UNC5D: variants seen among roughly 807,000 people sequenced by gnomAD.
The protein encoded by UNC5D is unc-5 netrin receptor D, also known as netrin receptor UNC5D.
In UNC5D, 39 loss-of-function variants were observed where a neutral mutation model predicts 105.4. The ratio of observed to expected loss-of-function variants is 0.37; its 90% CI spans 0.29 to 0.48. The LOEUF is 0.48. Among genes scored for constraint, UNC5D ranks in the 20% least tolerant of loss-of-function variants. The pLI is 0.98. For synonymous variants in UNC5D, 452 were observed against 450.4 expected, an observed-to-expected ratio of 1.00 and a Z score of -0.04; for missense variants, 991 against 1,202.4, an observed-to-expected ratio of 0.82 and a Z score of 2.60.
chr8:35,269,267 C>A (rs1805103365), intron 1 of UNC5D, among the ~76,000 whole-genome samples: 1 of 152,172 alleles, frequency 6.6e-6, no homozygotes, highest in Non-Finnish European at 1.5e-5. Context: ...ACAGTCATCC[C>A]ATTTGCCAAG....
At chr8:35,402,484 C>T (rs940515601) in intron 1 of UNC5D, among the ~76,000 whole-genome samples, 3 of 152,078 alleles carry the variant, frequency 2.0e-5, no homozygotes, top group African/African-American at 7.2e-5. Context: ...GTTTCTCCTG[C>T]AACACGTGGG....
rs567883074 is a variant in UNC5D at position 35,361,484 on chromosome 8, G to A, written c.103+125597G>A. On this transcript the variant is annotated intron_variant, in intron 1 of 16. Transcript: ENST00000404895. ...CGCAAAAAAGGTCATTCGTCTAAGT[G>A]TCTTATCTCAGAGACCATCAGGAAG... Among the ~76,000 whole-genome samples, 8 of 152,260 alleles carry A rather than the reference G, an allele frequency of 5.3e-5. 1 individual carries two copies. Among genetic ancestry groups the A allele is most frequent in the African/African-American group, 1.9e-4 (8 of 41,560 alleles).
At chr8:35,353,073 A>G (rs1477080971) in intron 1 of UNC5D, among the ~76,000 whole-genome samples, 2 of 152,220 alleles carry the variant, frequency 1.3e-5, no homozygotes, top group Admixed American at 6.5e-5. Flanking sequence ...ATTCAACTAC[A>G]TAAAAAACAT....
At position 35,785,056 on chromosome 8, in the gene UNC5D, T is replaced by TA. The variant is rs993496276; in HGVS notation, c.2658-5292dup. On this transcript the variant is annotated intron_variant, in intron 16 of 16. Coordinates refer to ENST00000404895, the MANE Select transcript of UNC5D (RefSeq NM_080872.4). ...ATTTTTGCTAATGTTCTGGTTCCAT[T>TA]AAAAAAAAAAATCAAACACACTCAG... 3.6e-3 allele frequency among the ~76,000 whole-genome samples: 523 copies of TA among 147,272 alleles called. 2 individuals carry two copies. Among genetic ancestry groups the TA allele is most frequent in the African/African-American group, 0.011 (447 of 40,524 alleles).
At chr8:35,511,999 A>G (rs1217256022) in intron 1 of UNC5D, among the ~76,000 whole-genome samples, 2 of 152,146 alleles carry the variant, frequency 1.3e-5, no homozygotes, top group African/African-American at 4.8e-5. Context: ...GATGGGTGAT[A>G]TGTTAGTAGG....
At chr8:35,347,169 T>C in intron 1 of UNC5D, among the ~76,000 whole-genome samples, 1 of 152,190 alleles carries the variant, frequency 6.6e-6, no homozygotes, top group East Asian at 1.9e-4. Flanking sequence ...AACACATTGA[T>C]TGACGAGTTA....
chr8:35,723,537 A>G (rs1355704294), intron 9 of UNC5D, among the ~76,000 whole-genome samples: 2 of 151,916 alleles, frequency 1.3e-5, no homozygotes, highest in East Asian at 3.9e-4. Context: ...CTGGGACTAC[A>G]GGCACATGCC....
intron 1 of UNC5D, among the ~76,000 whole-genome samples, chr8:35,423,378 G>C (rs1393909088): frequency 6.6e-6 from 1 of 152,068 alleles, no homozygotes; most frequent in Non-Finnish European, 1.5e-5. Flanking sequence ...TCTCTGAAAT[G>C]TCCTCCTCCT....
At chr8:35,441,522 C>T (rs889254770) in intron 1 of UNC5D, among the ~76,000 whole-genome samples, 1 of 151,734 alleles carries the variant, frequency 6.6e-6, no homozygotes, top group East Asian at 1.9e-4. Context: ...AATTTAGTCT[C>T]CTCCACTTCC....
chr8:35,767,015 G>A lies in UNC5D; in HGVS notation c.2427G>A (p.Arg809=). ...AGCTGTCCTGCAAAATCTGCATTCGGCAGCTCAAAGGCCATGAACAGATCC... is the reference window on the plus strand; with the variant it reads ...AGCTGTCCTGCAAAATCTGCATTCGACAGCTCAAAGGCCATGAACAGATCC... ...TTQLSCKICI[R]QLKGHEQILQ... is the part of the protein sequence containing the mutation. Residue 809 remains arginine, a synonymous_variant, in exon 15 of 17, where the codon CGG becomes CGA. Transcript: ENST00000404895. The A allele has an allele frequency of 1.2e-6, 2 of 1,613,960 alleles. No homozygotes were observed. The highest frequency in any genetic ancestry group is 1.7e-6 in the Non-Finnish European group (2 of 1,179,940).
intron 4 of UNC5D, among the ~76,000 whole-genome samples, chr8:35,679,416 C>A (rs1825501667): frequency 6.6e-6 from 1 of 152,058 alleles, no homozygotes; most frequent in Non-Finnish European, 1.5e-5. Context: ...ATGGTACCAC[C>A]TATGGGAAAG....
At chr8:35,616,740 G>A (rs1464164199) in intron 4 of UNC5D, among the ~76,000 whole-genome samples, 2 of 152,130 alleles carry the variant, frequency 1.3e-5, no homozygotes, top group African/African-American at 4.8e-5. Flanking sequence ...TATAAAATTT[G>A]CACGTTGTGC....
chr8:35,558,844 G>T (rs927713679), intron 2 of UNC5D, among the ~76,000 whole-genome samples: 2 of 152,096 alleles, frequency 1.3e-5, no homozygotes, highest in African/African-American at 4.8e-5. Flanking sequence ...TTAGGTGGTC[G>T]TGATGGCGCA....
intron 1 of UNC5D, among the ~76,000 whole-genome samples, chr8:35,499,597 T>C (rs1811840189): frequency 6.6e-6 from 1 of 152,220 alleles, no homozygotes; most frequent in African/African-American, 2.4e-5. Context: ...AAACATTTTT[T>C]TGAGGAGCCA....
At chr8:35,599,592 G>A (rs2130918743) in intron 4 of UNC5D, among the ~76,000 whole-genome samples, 1 of 152,200 alleles carries the variant, frequency 6.6e-6, no homozygotes, top group South Asian at 2.1e-4. Context: ...TTATATTGAT[G>A]AATATTTAAG....
chr8:35,462,073 T>TA (rs1808932951), intron 1 of UNC5D, among the ~76,000 whole-genome samples: 2 of 152,136 alleles, frequency 1.3e-5, no homozygotes, highest in Non-Finnish European at 2.9e-5. Context: ...AAAGATTATT[T>TA]AAGGGTTATT....
At chr8:35,677,727 T>C (rs1825346444) in intron 4 of UNC5D, among the ~76,000 whole-genome samples, 1 of 151,936 alleles carries the variant, frequency 6.6e-6, no homozygotes, top group African/African-American at 2.4e-5. Context: ...TAGACATAAT[T>C]GGATTGAAGG....
chr8:35,642,858 T>C (rs1822830445), intron 4 of UNC5D, among the ~76,000 whole-genome samples: 1 of 152,168 alleles, frequency 6.6e-6, no homozygotes, highest in Non-Finnish European at 1.5e-5. Context: ...AATTACAAAA[T>C]ACATTTCCCC....
intron 1 of UNC5D, among the ~76,000 whole-genome samples, chr8:35,366,221 A>ACATAGATT (rs1454976768): frequency 1.3e-5 from 2 of 152,052 alleles, no homozygotes; most frequent in Non-Finnish European, 2.9e-5. Context: ...GTTTGAGGGC[A>ACATAGATT]CATAGATTCC....
Sources: gnomAD v4.1 joint callset for allele counts (sites outside exome capture counted in the v4.1 genomes callset) on GRCh38, gnomAD v4.1.1 for gene constraint, MANE v1.5 for transcripts, NCBI Gene and HGNC (gene_info 2026-07-23, HGNC 2026-07-21) for gene names.